Variants in KIR3DL3 observed in about 807,000 individuals in gnomAD.
KIR3DL3 encodes the protein killer cell immunoglobulin like receptor, three Ig domains and long cytoplasmic tail 3.
Under a neutral mutation model 34.9 loss-of-function variants are expected in KIR3DL3, and 27 were observed. That is an observed-to-expected ratio of 0.77 (90% CI 0.57 to 1.07). The LOEUF is 1.07. Among genes scored for constraint, KIR3DL3 ranks in the 50% least tolerant of loss-of-function variants. The pLI is 0.00. For missense variants in KIR3DL3, 681 were observed against 528.5 expected (o/e 1.29, Z -2.83); for synonymous variants, 217 against 200.2 (o/e 1.08, Z -0.71).
At position 54,727,774 on chromosome 19, in the gene KIR3DL3, T is replaced by G; in HGVS notation, c.519T>G (p.Asp173Glu). The change falls in exon 4 of 8, where the codon GAT (aspartate) becomes GAG (glutamate). Residue 173 changes from aspartate (D) to glutamate (E), a missense_variant. Transcript: ENST00000291860. ...DPLRLVGQLHDAGSQVNYSMG... is the reference protein window; with the variant it reads ...DPLRLVGQLHEAGSQVNYSMG... ...TGCGCCTCGTTGGACAGCTCCACGA[T>G]GCGGGTTCCCAGGTCAACTATTCCA... 6.2e-7 allele frequency: 1 copy of G among 1,613,590 alleles called. No homozygotes were observed.
Position 54,727,742 on chromosome 19 carries a change from GA to G in KIR3DL3, c.488del (p.Asp163AlafsTer23), listed in dbSNP as rs2146779202. On this transcript the variant is annotated frameshift_variant, in exon 4 of 8. Transcript: ENST00000291860. LOFTEE classifies it high-confidence loss of function. ...FLLHREGITE[D>X]PLRLVGQLHD... is the part of the protein sequence containing the mutation. ...TCTGCACAGAGAGGGGATCACTGAG[GA>G]CCCCTTGCGCCTCGTTGGACAGCTC... 10 of 1,612,998 alleles carry G rather than the reference GA, an allele frequency of 6.2e-6. No homozygotes were observed. The South Asian group carries it at 1.1e-4, about 18-fold the overall frequency.
intron 5 of KIR3DL3, among the ~76,000 whole-genome samples, chr19:54,733,898 C>A (rs1326353372): frequency 1.3e-5 from 2 of 152,098 alleles, no homozygotes; most frequent in East Asian, 3.9e-4. Context: ...GACTCAGAGA[C>A]CAGTGCCAGC....
chr19:54,733,544 C>CATTT (rs1414645808), intron 5 of KIR3DL3, among the ~76,000 whole-genome samples: 2 of 134,954 alleles, frequency 1.5e-5, no homozygotes, highest in Admixed American at 8.0e-5. Context: ...ATAAAACATA[C>CATTT]ATAATTATGA....
At chr19:54,732,528 A>T (rs1381942359) in intron 5 of KIR3DL3, among the ~76,000 whole-genome samples, 35 of 152,160 alleles carry the variant, frequency 2.3e-4, no homozygotes, top group African/African-American at 8.2e-4. Context: ...AAGTGCAAAG[A>T]TTACAGGCGA....
chr19:54,734,926 G>A (rs3952452), intron 5 of KIR3DL3, among the ~76,000 whole-genome samples: 20,355 of 114,944 alleles, frequency 0.18, 1,709 homozygotes, highest in Middle Eastern at 0.23. Flanking sequence ...TGCTAACCCC[G>A]TCTCCTTGGA....
intron 1 of KIR3DL3, among the ~76,000 whole-genome samples, 190 bp downstream of exon 1, chr19:54,724,720 A>AAGTAGAGATATGGGCCTGG (rs1249759333): frequency 6.2e-5 from 4 of 64,472 alleles, no homozygotes; most frequent in Non-Finnish European, 9.4e-5. Flanking sequence ...TATGGGCCTG[A>AAGTAGAGATATGGGCCTGG]AGTAGAGATA....
Position 54,735,277 on chromosome 19 carries a change from T to C in KIR3DL3, c.974T>C (p.Leu325Pro), listed in dbSNP as rs779547237. 2.0e-6 allele frequency: 3 copies of C among 1,523,118 alleles called. No homozygotes were observed. Among genetic ancestry groups the C allele is most frequent in the Admixed American group, 3.4e-5 (2 of 58,390 alleles). 94.4% of individuals were successfully genotyped at this position (1,523,118 alleles called of 1,614,324 possible). A position where few individuals can be genotyped will look rare whatever the true frequency, so the allele number is the denominator to read the frequency against. ...VTGNSRNLHV[L>P]IGTSVVIIPF... ...GGTAACTCCAGAAACCTGCACGTTC[T>C]GATTGGGACCTCAGTGGTCATCATC... The change falls in exon 6 of 8, where the codon CTG (leucine) becomes CCG (proline). Residue 325 changes from leucine (L) to proline (P), a missense_variant. Transcript: ENST00000291860.
At chr19:54,725,354 C>T (rs959024889) in intron 2 of KIR3DL3, 72 bp downstream of exon 2, 21 of 1,158,468 alleles carry the variant, frequency 1.8e-5, no homozygotes, top group East Asian at 4.9e-5. Flanking sequence ...GGGAGGCAGG[C>T]GACACAGGGG....
At chr19:54,726,815 T>C (rs2068233885) in intron 3 of KIR3DL3, among the ~76,000 whole-genome samples, 1 of 129,196 alleles carries the variant, frequency 7.7e-6, no homozygotes, top group Non-Finnish European at 1.7e-5. Flanking sequence ...GAACTGATTC[T>C]TCCCTGAGTC....
At chr19:54,724,663 G>T (rs1046492701) in intron 1 of KIR3DL3, 133 bp downstream of exon 1, 3 of 1,407,494 alleles carry the variant, frequency 2.1e-6, no homozygotes, top group Non-Finnish European at 2.9e-6. Flanking sequence ...ATGGGCCTGG[G>T]GTGGAGATAT....
rs1444746762 is a variant in KIR3DL3, at chr19:54,727,746, C to T, written c.491C>T (p.Pro164Leu). The T allele has an allele frequency of 6.2e-7, 1 of 1,612,856 alleles. No homozygotes were observed. Among genetic ancestry groups the T allele is most frequent in the East Asian group, 2.2e-5 (1 of 44,642 alleles). ...CACAGAGAGGGGATCACTGAGGACC[C>T]CTTGCGCCTCGTTGGACAGCTCCAC... ...LLHREGITED[P>L]LRLVGQLHDA... Residue 164 changes from proline (P) to leucine (L), a missense_variant, in exon 4 of 8, where the codon CCC becomes CTC. Coordinates refer to ENST00000291860, the MANE Select transcript of KIR3DL3 (RefSeq NM_153443.5).
chr19:54,730,897 T>C (rs2068717712), intron 5 of KIR3DL3, among the ~76,000 whole-genome samples: 2 of 152,172 alleles, frequency 1.3e-5, no homozygotes, highest in African/African-American at 4.8e-5. Flanking sequence ...GTCATGGGAG[T>C]GCAGATGTCA....
At chr19:54,729,461 C>A in intron 4 of KIR3DL3, 32 bp from the exon 5 acceptor site, 1 of 1,516,696 alleles carries the variant, frequency 6.6e-7, no homozygotes. Flanking sequence ...AAGGAAGAAC[C>A]TCCCTGAGGA....
chr19:54,731,088 C>A (rs2068744170), intron 5 of KIR3DL3, among the ~76,000 whole-genome samples: 1 of 151,770 alleles, frequency 6.6e-6, no homozygotes, highest in Non-Finnish European at 1.5e-5. Flanking sequence ...CTCACTGCAA[C>A]CTCCACCTCC....
In KIR3DL3 at chr19:54,735,819, G is replaced by C. The variant is rs770908274; in HGVS notation, c.1055-1G>C. The C allele has an allele frequency of 3.7e-6, 6 of 1,608,318 alleles. No homozygotes were observed. In the South Asian group the frequency reaches 6.6e-5, roughly 18 times the overall value. On this transcript the variant is annotated splice_acceptor_variant, in intron 6 of 7. Transcript: ENST00000291860. LOFTEE classifies it high-confidence loss of function. ...GTTTTGACGACTTCCGTCTTCTACA[G>C]ATGCTGTTGTAATGGACCAAGAGCC... is the stretch of plus-strand genomic sequence containing the variant.
At position 54,726,261 on chromosome 19, in the gene KIR3DL3, C is replaced by T. The variant is rs1183869973; in HGVS notation, c.279C>T (p.Tyr93=). Residue 93 remains tyrosine, a synonymous_variant, in exon 3 of 8, where the codon TAC becomes TAT. Coordinates refer to ENST00000291860, the MANE Select transcript of KIR3DL3 (RefSeq NM_153443.5). ...TGACCCCAGCACATGCAGGGACCTA[C>T]AGATGTTGCAGTTCACACCCACACT... The part of the protein sequence containing the change: ...GPVTPAHAGT[Y]RCCSSHPHSP... 1.2e-6 allele frequency: 2 copies of T among 1,613,962 alleles called. No homozygotes were observed. The highest frequency in any genetic ancestry group is 1.6e-4 in the Middle Eastern group (1 of 6,062).
chr19:54,732,400 G>A (rs111865373), intron 5 of KIR3DL3, among the ~76,000 whole-genome samples: 25 of 145,856 alleles, frequency 1.7e-4, no homozygotes, highest in African/African-American at 5.9e-4. Context: ...ACAGCTGTGC[G>A]CCACCACACT....
At chr19:54,727,474 T>C (rs1203717632) in intron 3 of KIR3DL3, 137 bp from the exon 4 acceptor site, 22 of 825,464 alleles carry the variant, frequency 2.7e-5, no homozygotes, top group Non-Finnish European at 4.1e-5. Flanking sequence ...ACAGGGGTTA[T>C]GGGCACAAAA....
Position 54,726,318 on chromosome 19 carries a change from T to C in KIR3DL3, c.336T>C (p.Pro112=), listed in dbSNP as rs771821387. 18 of 1,613,200 alleles carry C rather than the reference T, an allele frequency of 1.1e-5. No homozygotes were observed. In the East Asian group the frequency reaches 2.2e-4, roughly 20 times the overall value. The change falls in exon 3 of 8, where the codon CCT becomes CCC. Residue 112 remains proline, a synonymous_variant. Coordinates refer to ENST00000291860, the MANE Select transcript of KIR3DL3 (RefSeq NM_153443.5). ...CTGGGTGGTCGGCACCCAGCAACCC[T>C]GTGGTGATCATGGTCACAGGTCAGA... The part of the protein sequence containing the change: ...SPTGWSAPSN[P]VVIMVTGVHR...
Sources: allele counts gnomAD v4.1 joint callset (sites outside exome capture counted in the v4.1 genomes callset), GRCh38; gene constraint gnomAD v4.1.1; transcripts MANE v1.5; gene names NCBI Gene and HGNC (gene_info 2026-07-23, HGNC 2026-07-21).